The following ZNF600 variants were observed in gnomAD, a reference collection of about 807,000 sequenced individuals.
The protein encoded by ZNF600 is zinc finger protein KR-ZNF1.
ZNF600 carries 4 observed loss-of-function variants against 7.3 expected under a neutral mutation model. The ratio of observed to expected loss-of-function variants is 0.55; its 90% CI spans 0.27 to 1.25. The LOEUF (loss-of-function observed/expected upper bound fraction) is 1.25. Among genes scored for constraint, ZNF600 ranks in the 50% most tolerant of loss-of-function variants. ZNF600 has a pLI of 0.12. For missense variants in ZNF600, 911 were observed against 922.1 expected, an observed-to-expected ratio of 0.99 and a Z score of 0.16; for synonymous variants, 290 against 308.9, an observed-to-expected ratio of 0.94 and a Z score of 0.64.
At chr19:52,807,721 C>T in the ZNF600 span, among the ~76,000 whole-genome samples, 258 of 152,330 alleles carry the variant, frequency 1.7e-3, 2 homozygotes, top group African/African-American at 5.3e-3. Flanking sequence ...GCGATCCACA[C>T]GCCTTGGCCT....
At chr19:52,768,668 C>A (rs1196330514) in intron 3 of ZNF600, among the ~76,000 whole-genome samples, 3 of 151,916 alleles carry the variant, frequency 2.0e-5, no homozygotes, top group African/African-American at 7.3e-5. Flanking sequence ...GCCTCATCCT[C>A]CTGAGTACCT....
chr19:52,817,060 G>C, the ZNF600 span, among the ~76,000 whole-genome samples: 1 of 151,984 alleles, frequency 6.6e-6, no homozygotes, highest in South Asian at 2.1e-4. Flanking sequence ...TATTTACATT[G>C]ATTTCATGTT....
chr19:52,819,257 C>A, the ZNF600 span, among the ~76,000 whole-genome samples: 2 of 139,046 alleles, frequency 1.4e-5, 1 homozygote, highest in Admixed American at 1.5e-4. Context: ...TCCTGGGGAA[C>A]ACGGGAAGCA....
At chr19:52,831,356 C>G in the ZNF600 span, among the ~76,000 whole-genome samples, 1 of 152,028 alleles carries the variant, frequency 6.6e-6, no homozygotes. Context: ...ATTGCTCAGG[C>G]TGGAGTGCAG....
chr19:52,807,337 G>A, the ZNF600 span, among the ~76,000 whole-genome samples: 1 of 152,186 alleles, frequency 6.6e-6, no homozygotes, highest in Non-Finnish European at 1.5e-5. Context: ...TCCACTGACT[G>A]CCTCATTCTG....
intron 1 of ZNF600, among the ~76,000 whole-genome samples, chr19:52,783,563 G>T (rs1025623845): frequency 6.6e-6 from 1 of 152,056 alleles, no homozygotes; most frequent in African/African-American, 2.4e-5. Flanking sequence ...GGGTTTCACC[G>T]TGTTAGCCAG....
intron 3 of ZNF600, 59 bp from the exon 6 acceptor site, chr19:52,767,831 A>G: frequency 6.6e-7 from 1 of 1,505,016 alleles, no homozygotes; most frequent in Admixed American, 2.4e-5. Context: ...ATCATACTGA[A>G]GTGTGTAAAT....
At chr19:52,830,245 G>C in the ZNF600 span, among the ~76,000 whole-genome samples, 26 of 152,050 alleles carry the variant, frequency 1.7e-4, no homozygotes, top group Non-Finnish European at 2.4e-4. Context: ...GCAGTCCAGC[G>C]TGGGCAACAA....
the ZNF600 span, among the ~76,000 whole-genome samples, chr19:52,808,978 A>C: frequency 6.6e-6 from 1 of 152,216 alleles, no homozygotes; most frequent in Non-Finnish European, 1.5e-5. Flanking sequence ...GATTTTCAAA[A>C]TATATACAGA....
At chr19:52,817,120 C>T in the ZNF600 span, among the ~76,000 whole-genome samples, 1 of 152,190 alleles carries the variant, frequency 6.6e-6, no homozygotes. Flanking sequence ...CGCTTGTAAT[C>T]CCAGCACTTT....
chr19:52,765,430 T>A (rs900320431), exon 4 of ZNF600: 46 of 1,163,474 alleles, frequency 4.0e-5, no homozygotes, highest in South Asian at 2.9e-4. Flanking sequence ...TTGTAAGGTT[T>A]CTCTCCAGTA....
chr19:52,819,821 A>G, the ZNF600 span, among the ~76,000 whole-genome samples: 1 of 143,716 alleles, frequency 7.0e-6, no homozygotes, highest in Non-Finnish European at 1.5e-5. Context: ...TCCTTACAAG[A>G]AAATCACACT....
At chr19:52,799,104 G>C in the ZNF600 span, 2 of 418,854 alleles carry the variant, frequency 4.8e-6, no homozygotes, top group Non-Finnish European at 4.6e-6. Context: ...ACATTTGTAA[G>C]ATTTCTCTGC....
chr19:52,774,281 T>C (rs1433569231), intron 3 of ZNF600, among the ~76,000 whole-genome samples: 1 of 150,628 alleles, frequency 6.6e-6, no homozygotes, highest in Non-Finnish European at 1.5e-5. Flanking sequence ...AATACAAAAT[T>C]AGCTGGGTGT....
At chr19:52,806,938 A>G in the ZNF600 span, among the ~76,000 whole-genome samples, 1 of 152,298 alleles carries the variant, frequency 6.6e-6, no homozygotes, top group Non-Finnish European at 1.5e-5. Flanking sequence ...AAGAAAGAGC[A>G]GAGAGATAAG....
the ZNF600 span, among the ~76,000 whole-genome samples, chr19:52,792,262 G>T: frequency 6.6e-6 from 1 of 152,246 alleles, no homozygotes; most frequent in Admixed American, 6.5e-5. Flanking sequence ...GTGAGCGTTG[G>T]GCTGTGTGAA....
At chr19:52,796,266 A>G in the ZNF600 span, among the ~76,000 whole-genome samples, 7 of 152,184 alleles carry the variant, frequency 4.6e-5, no homozygotes, top group African/African-American at 1.7e-4. Context: ...GGAGGTCCTG[A>G]CGATGTGTGC....
chr19:52,778,722 G>A (rs534580684), intron 2 of ZNF600, 104 bp downstream of exon 4: 17 of 1,459,848 alleles, frequency 1.2e-5, no homozygotes, highest in Middle Eastern at 1.8e-4. Context: ...GTGAGTGAAC[G>A]TGTCAGGCAA....
At chr19:52,795,018 A>G in the ZNF600 span, among the ~76,000 whole-genome samples, 8 of 152,232 alleles carry the variant, frequency 5.3e-5, no homozygotes, top group Admixed American at 1.3e-4. Context: ...ACACATAGCT[A>G]TAAGTGTTTA....
Sources: allele counts gnomAD v4.1 joint callset (sites outside exome capture counted in the v4.1 genomes callset), GRCh38; gene constraint gnomAD v4.1.1; transcripts MANE v1.5; gene names NCBI Gene and HGNC (gene_info 2026-07-23, HGNC 2026-07-21).